Variants in ADAMTS2 observed in about 807,000 individuals in gnomAD.
ADAMTS2 encodes A disintegrin and metalloproteinase with thrombospondin motifs 2.
A neutral mutation model predicts 123.0 loss-of-function variants in ADAMTS2; 50 were observed. The ratio of observed to expected loss-of-function variants is 0.41; its 90% CI spans 0.32 to 0.51. The LOEUF is 0.51. Ranked by LOEUF, ADAMTS2 falls within the 20% of genes least tolerant of loss-of-function variation. ADAMTS2 has a pLI of 0.35. For missense variants in ADAMTS2, 1,494 were observed against 1,705.2 expected (o/e 0.88, Z 2.18); for synonymous variants, 678 against 695.4 (o/e 0.98, Z 0.39).
At chr5:179,119,855 C>A (rs567306062) in intron 21 of ADAMTS2, among the ~76,000 whole-genome samples, 2 of 152,256 alleles carry the variant, frequency 1.3e-5, no homozygotes, top group African/African-American at 4.8e-5. Context: ...CATCTCGGGC[C>A]CTTTTCCTGA....
At chr5:179,136,141 C>A in intron 12 of ADAMTS2, 99 bp from the exon 13 acceptor site, 1 of 1,571,060 alleles carries the variant, frequency 6.4e-7, no homozygotes, top group Admixed American at 1.7e-5. Flanking sequence ...ACAAGGGTCC[C>A]CACGTGGCCC....
chr5:179,193,286 C>T (rs542923465), intron 4 of ADAMTS2, among the ~76,000 whole-genome samples: 90 of 152,320 alleles, frequency 5.9e-4, no homozygotes, highest in African/African-American at 1.6e-3. Flanking sequence ...CTGCTCGCCT[C>T]GCTGGTCGGC....
Position 179,132,788 on chromosome 5 carries a change from G to T in ADAMTS2, c.2198C>A (p.Pro733His). The change falls in exon 14 of 22, where the codon CCC (proline) becomes CAC (histidine). Residue 733 changes from proline (P) to histidine (H), a missense_variant. Pro to His is a moderately conservative substitution (Grantham distance 77). Transcript: ENST00000251582. The surrounding 1 kb of genome is among the most constrained non-coding windows in gnomAD (Gnocchi z 6.1). ...KVVKGTFTRS[P>H]KKHGYIKMFE... ...AGGGACCCACTCACCATGCTTCTTG[G>T]GTGACCGTGTGAACGTGCCCTTGAC... is the stretch of plus-strand genomic sequence containing the variant. The T allele has an allele frequency of 6.2e-7, 1 of 1,614,078 alleles. No individual in the cohort carries two copies. The highest frequency in any genetic ancestry group is 8.5e-7 in the Non-Finnish European group (1 of 1,180,008).
intron 2 of ADAMTS2, among the ~76,000 whole-genome samples, chr5:179,326,235 C>T (rs901911643): frequency 2.2e-5 from 3 of 136,902 alleles, no homozygotes; most frequent in Non-Finnish European, 3.2e-5. Context: ...TGTGTGTCCA[C>T]CCCCAGCCGG....
chr5:179,268,907 G>C (rs1057037743), intron 3 of ADAMTS2, among the ~76,000 whole-genome samples: 1 of 152,236 alleles, frequency 6.6e-6, no homozygotes, highest in Non-Finnish European at 1.5e-5. Context: ...TGGCTGCATG[G>C]TGCCCCCAAA....
intron 5 of ADAMTS2, among the ~76,000 whole-genome samples, chr5:179,167,882 G>A (rs998539136): frequency 2.6e-5 from 4 of 152,198 alleles, no homozygotes; most frequent in African/African-American, 4.8e-5. Context: ...TGTCTCTGCC[G>A]TGCTGTTGAT....
intron 5 of ADAMTS2, among the ~76,000 whole-genome samples, chr5:179,166,394 G>A (rs999882969): frequency 6.6e-6 from 1 of 152,214 alleles, no homozygotes; most frequent in African/African-American, 2.4e-5. Context: ...AGGGCCTTAG[G>A]GAGGCAAGAG....
rs1215106005 is a variant in ADAMTS2 at position 179,189,818 on chromosome 5, TG to T, written c.892-8664del. Among the ~76,000 whole-genome samples, 1 of 88,942 alleles carries T rather than the reference TG, an allele frequency of 1.1e-5. No individual in the cohort carries two copies. The highest frequency in any genetic ancestry group is 2.2e-5 in the Non-Finnish European group (1 of 45,516). 58.3% of individuals were successfully genotyped at this position (88,942 alleles called of 152,430 possible). A position where few individuals can be genotyped will look rare whatever the true frequency, so the allele number is the denominator to read the frequency against. On this transcript the variant is annotated intron_variant, in intron 4 of 21. Coordinates refer to ENST00000251582, the MANE Select transcript of ADAMTS2 (RefSeq NM_014244.5). The surrounding 1 kb of genome is among the most constrained non-coding windows in gnomAD (Gnocchi z 4.2). ...AATATTACTAAGTATCTTCTTAAGT[TG>T]GGGGGAGAGAATATTACAAAGTATC...
intron 3 of ADAMTS2, among the ~76,000 whole-genome samples, chr5:179,254,144 G>A (rs950971839): frequency 3.9e-5 from 6 of 152,136 alleles, no homozygotes; most frequent in Non-Finnish European, 7.3e-5. Context: ...TCACAGTCCC[G>A]AGCTTCATAC....
intron 2 of ADAMTS2, among the ~76,000 whole-genome samples, chr5:179,329,092 C>T (rs1039724179): frequency 6.6e-5 from 10 of 152,246 alleles, no homozygotes; most frequent in Middle Eastern, 3.4e-3. Flanking sequence ...CTTTGGGAGG[C>T]CAAGGAGGGC....
Position 179,272,796 on chromosome 5 carries a change from A to G in ADAMTS2, c.688+115T>C. 7.3e-7 allele frequency: 1 copy of G among 1,360,698 alleles called. No individual in the cohort carries two copies. Among genetic ancestry groups the G allele is most frequent in the Non-Finnish European group, 1.0e-6 (1 of 1,004,920 alleles). The allele number at this position is 1,360,698 out of a possible 1,614,324, so 84.3% of individuals were successfully genotyped here. ...TTCTGAGCCACTGAGACCGGGGCTC[A>G]GCCTCAGCAGCCAAGCTGGTCTGTG... On this transcript the variant is annotated intron_variant, in intron 3 of 21. Transcript: ENST00000251582. This position sits in a 1 kb window ranked among gnomAD's most constrained non-coding sequence, Gnocchi z 5.8.
At position 179,272,926 on chromosome 5, in the gene ADAMTS2, G is replaced by C; in HGVS notation, c.673C>G (p.Gln225Glu). 6.2e-7 allele frequency: 1 copy of C among 1,610,156 alleles called. No homozygotes were observed. Among genetic ancestry groups the C allele is most frequent in the Non-Finnish European group, 8.5e-7 (1 of 1,179,974 alleles). Reference sequence around the variant, plus strand: ...GTAGCCTCACCTGTGTCCAGGGCCTGTGGCCCCCCGAGAGGAGGGGACGTG... The same window carrying C: ...GTAGCCTCACCTGTGTCCAGGGCCTCTGGCCCCCCGAGAGGAGGGGACGTG... ...PPTSPPLGGP[Q>E]ALDTGASLDS... is the part of the protein sequence containing the mutation. Residue 225 changes from glutamine to glutamate, a missense_variant, in exon 3 of 22, where the codon CAG becomes GAG. Transcript: ENST00000251582. This position sits in a 1 kb window ranked among gnomAD's most constrained non-coding sequence, Gnocchi z 5.8.
Position 179,317,217 on chromosome 5 carries a change from G to A in ADAMTS2, c.534+26550C>T, listed in dbSNP as rs73808253. ...GCATCCTTTTCCTCAGCACTTTGGCGTCTTTCCTCCCAGTGGTTTCTTGGT... is the reference window on the plus strand; with the variant it reads ...GCATCCTTTTCCTCAGCACTTTGGCATCTTTCCTCCCAGTGGTTTCTTGGT... On this transcript the variant is annotated intron_variant, in intron 2 of 21. Transcript: ENST00000251582. This position sits in a 1 kb window ranked among gnomAD's most constrained non-coding sequence, Gnocchi z 4.9. 9.8e-3 allele frequency among the ~76,000 whole-genome samples: 1,492 copies of A among 152,236 alleles called. 23 individuals are homozygous for A. Among genetic ancestry groups the A allele is most frequent in the Middle Eastern group, 0.034 (10 of 294 alleles).
intron 3 of ADAMTS2, among the ~76,000 whole-genome samples, chr5:179,223,240 A>C (rs1346266153): frequency 6.6e-6 from 1 of 152,064 alleles, no homozygotes; most frequent in Non-Finnish European, 1.5e-5. Context: ...ACACACATGC[A>C]CGCAGTCACA....
intron 3 of ADAMTS2, among the ~76,000 whole-genome samples, chr5:179,236,813 G>A (rs553054620): frequency 3.0e-4 from 45 of 152,212 alleles, no homozygotes; most frequent in African/African-American, 8.7e-4. Context: ...TTCCCCCTTC[G>A]ATGTATGCTA....
At chr5:179,239,409 C>T (rs1038501842) in intron 3 of ADAMTS2, among the ~76,000 whole-genome samples, 4 of 151,924 alleles carry the variant, frequency 2.6e-5, no homozygotes, top group African/African-American at 7.3e-5. Context: ...TGGGGAAGGC[C>T]GAGGGTGGAG....
rs2271213 is a variant in ADAMTS2, at chr5:179,343,758, C to T, written c.534+9G>A. The T allele has an allele frequency of 6.2e-7, 1 of 1,608,046 alleles. No homozygotes were observed. The highest frequency in any genetic ancestry group is 2.2e-5 in the East Asian group (1 of 44,686). ...CGGAGAGAAAGGAGCTAGAGAAGTG[C>T]GTACTCACCAGCCCATCGCAGTTGC... On this transcript the variant is annotated intron_variant, in intron 2 of 21. Transcript: ENST00000251582.
intron 2 of ADAMTS2, among the ~76,000 whole-genome samples, chr5:179,309,157 C>T (rs1313977689): frequency 6.6e-6 from 1 of 152,212 alleles, no homozygotes; most frequent in African/African-American, 2.4e-5. Flanking sequence ...CTCTGTGTTC[C>T]CCGGGTAGAG....
rs1763797932 is a variant in ADAMTS2, at chr5:179,170,655, G to T, written c.975+10417C>A. Among the ~76,000 whole-genome samples, 1 of 152,082 alleles carries T rather than the reference G, an allele frequency of 6.6e-6. No homozygotes were observed. Among genetic ancestry groups the T allele is most frequent in the Admixed American group, 6.5e-5 (1 of 15,270 alleles). ...CTAGGCCTTTTGCCCCCAGATCTTG[G>T]CTGGGAAGTCCCCATCCTGGCTGCT... On this transcript the variant is annotated intron_variant, in intron 5 of 21. Coordinates refer to ENST00000251582, the MANE Select transcript of ADAMTS2 (RefSeq NM_014244.5). This position sits in a 1 kb window ranked among gnomAD's most constrained non-coding sequence, Gnocchi z 4.3.
Sources: allele counts gnomAD v4.1 joint callset (sites outside exome capture counted in the v4.1 genomes callset), GRCh38; gene constraint gnomAD v4.1.1; non-coding constraint Gnocchi (gnomAD v3.1); transcripts MANE v1.5; gene names NCBI Gene and HGNC (gene_info 2026-07-23, HGNC 2026-07-21).